MAGI1: variants seen among roughly 807,000 people sequenced by gnomAD.
MAGI1 encodes membrane associated guanylate kinase, WW and PDZ domain containing 1, also known as membrane-associated guanylate kinase, WW and PDZ domain-containing protein 1.
MAGI1 carries 58 observed loss-of-function variants against 139.9 expected under a neutral mutation model. That is an observed-to-expected ratio of 0.41 (90% CI 0.34 to 0.52). The LOEUF (loss-of-function observed/expected upper bound fraction) is 0.52. MAGI1 is among the 20% of genes least tolerant of loss of function. MAGI1 has a pLI of 0.12. For synonymous variants in MAGI1, 812 were observed against 737.9 expected (o/e 1.10, Z -1.63); for missense variants, 1,874 against 1,901.6 (o/e 0.99, Z 0.27).
At chr3:65,434,388 G>C (rs1382386208) in intron 10 of MAGI1, among the ~76,000 whole-genome samples, 3 of 152,130 alleles carry the variant, frequency 2.0e-5, no homozygotes, top group Admixed American at 1.3e-4. Context: ...TGGTGGAGGG[G>C]TAGCTGCAAA....
chr3:65,981,454 T>A (rs1026365601), intron 1 of MAGI1, among the ~76,000 whole-genome samples: 1 of 152,204 alleles, frequency 6.6e-6, no homozygotes, highest in African/African-American at 2.4e-5. Flanking sequence ...CTGCCTGACA[T>A]TGAACAAACA....
At chr3:65,453,545 C>T (rs1483679128) in intron 5 of MAGI1, among the ~76,000 whole-genome samples, 2 of 151,970 alleles carry the variant, frequency 1.3e-5, no homozygotes, top group African/African-American at 4.8e-5. Flanking sequence ...TTTTTACTTA[C>T]CTAACATATG....
intron 1 of MAGI1, among the ~76,000 whole-genome samples, chr3:65,890,296 C>T (rs1229908196): frequency 7.9e-5 from 12 of 152,076 alleles, no homozygotes; most frequent in Non-Finnish European, 1.5e-4. Flanking sequence ...ACCCAGGAGG[C>T]GGAGCTTGCA....
At position 65,952,765 on chromosome 3, in the gene MAGI1, G is replaced by T. The variant is rs559748453; in HGVS notation, c.313+85231C>A. 8.1e-4 allele frequency among the ~76,000 whole-genome samples: 124 copies of T among 152,334 alleles called. 1 individual carries two copies. The highest frequency in any genetic ancestry group is 3.4e-3 in the Middle Eastern group (1 of 294). On this transcript the variant is annotated intron_variant, in intron 1 of 22. Coordinates refer to ENST00000402939, the MANE Select transcript of MAGI1 (RefSeq NM_001033057.2). ...GGAGGTGGAGCTTGCAGTGAGCCAA[G>T]ATCATGCCACTGCACTCCAGCCTCG...
intron 1 of MAGI1, among the ~76,000 whole-genome samples, chr3:65,969,911 G>A (rs537939938): frequency 7.7e-4 from 117 of 152,276 alleles, no homozygotes; most frequent in African/African-American, 2.8e-3. Flanking sequence ...GAGCATTTAA[G>A]CTCCTTTAGA....
intron 1 of MAGI1, among the ~76,000 whole-genome samples, chr3:65,821,333 G>A (rs2041938926): frequency 6.6e-6 from 1 of 152,050 alleles, no homozygotes; most frequent in Non-Finnish European, 1.5e-5. Context: ...GCCAGAGTTT[G>A]GTCATAGCAT....
chr3:65,528,459 G>T (rs1015178600), intron 2 of MAGI1, among the ~76,000 whole-genome samples: 1 of 152,174 alleles, frequency 6.6e-6, no homozygotes, highest in Non-Finnish European at 1.5e-5. Flanking sequence ...ATAAGGAGAT[G>T]TAGTGTCTGT....
chr3:66,022,751 C>T (rs745526029), intron 1 of MAGI1, among the ~76,000 whole-genome samples: 1 of 152,198 alleles, frequency 6.6e-6, no homozygotes, highest in Admixed American at 6.5e-5. Flanking sequence ...TTAACAATCA[C>T]GAAACCTCAG....
chr3:65,812,314 A>C (rs1293318466), intron 1 of MAGI1, among the ~76,000 whole-genome samples: 1 of 152,030 alleles, frequency 6.6e-6, no homozygotes, highest in Non-Finnish European at 1.5e-5. Context: ...TATTGTTATT[A>C]TTTACCTGTT....
intron 1 of MAGI1, among the ~76,000 whole-genome samples, chr3:65,670,609 T>C (rs2086794388): frequency 6.6e-6 from 1 of 152,178 alleles, no homozygotes; most frequent in African/African-American, 2.4e-5. Flanking sequence ...GTTTACAATC[T>C]TGCTAAGATT....
chr3:65,379,917 C>T (rs867530088), intron 16 of MAGI1, among the ~76,000 whole-genome samples: 1 of 152,040 alleles, frequency 6.6e-6, no homozygotes, highest in East Asian at 1.9e-4. Flanking sequence ...TAGGTGAGGG[C>T]TACACCCGTG....
At chr3:65,952,694 G>A (rs2063924347) in intron 1 of MAGI1, among the ~76,000 whole-genome samples, 1 of 152,112 alleles carries the variant, frequency 6.6e-6, no homozygotes, top group South Asian at 2.1e-4. Flanking sequence ...GGCGCCTGTA[G>A]TCCCAGCTAC....
chr3:65,919,088 A>T, intron 1 of MAGI1, among the ~76,000 whole-genome samples: 1 of 152,234 alleles, frequency 6.6e-6, no homozygotes, highest in Admixed American at 6.5e-5. Flanking sequence ...TGAAGACTGA[A>T]GACTATCAGT....
At chr3:65,400,750 A>ATTTTGTTTTTT (rs1944809479) in intron 13 of MAGI1, among the ~76,000 whole-genome samples, 1 of 60,574 alleles carries the variant, frequency 1.7e-5, no homozygotes, top group East Asian at 4.4e-4. Flanking sequence ...CAAAACATTG[A>ATTTTGTTTTTT]TTTTTTTTTT....
chr3:65,675,648 G>A (rs1185738719), intron 1 of MAGI1, among the ~76,000 whole-genome samples: 3 of 152,160 alleles, frequency 2.0e-5, no homozygotes, highest in African/African-American at 7.2e-5. Flanking sequence ...CATCTAATGA[G>A]GTGGCTCATT....
At chr3:65,439,682 G>C (rs1948112233) in intron 9 of MAGI1, among the ~76,000 whole-genome samples, 197 bp downstream of exon 9, 1 of 152,164 alleles carries the variant, frequency 6.6e-6, no homozygotes, top group Non-Finnish European at 1.5e-5. Flanking sequence ...GAGTGACTTT[G>C]AATTAGGATC....
intron 1 of MAGI1, among the ~76,000 whole-genome samples, chr3:65,736,858 G>T (rs950105688): frequency 2.6e-5 from 4 of 152,110 alleles, no homozygotes; most frequent in African/African-American, 9.7e-5. Context: ...AGCTACCTGG[G>T]AATCTCTTAA....
chr3:65,702,326 A>G (rs1268125640), intron 1 of MAGI1, among the ~76,000 whole-genome samples: 1 of 152,214 alleles, frequency 6.6e-6, no homozygotes, highest in Non-Finnish European at 1.5e-5. Context: ...GTCATTAGGC[A>G]GAAAGAGTTT....
chr3:65,871,337 T>C (rs1253538672), intron 1 of MAGI1, among the ~76,000 whole-genome samples: 1 of 151,676 alleles, frequency 6.6e-6, no homozygotes, highest in African/African-American at 2.4e-5. Context: ...GGGTTGGGGG[T>C]TGTGGGAGAG....
Sources: gnomAD v4.1 joint callset for allele counts (sites outside exome capture counted in the v4.1 genomes callset) on GRCh38, gnomAD v4.1.1 for gene constraint, MANE v1.5 for transcripts, NCBI Gene and HGNC (gene_info 2026-07-23, HGNC 2026-07-21) for gene names.